Variants in PIGN observed in about 807,000 individuals in gnomAD.
PIGN encodes phosphatidylinositol glycan anchor biosynthesis class N.
PIGN carries 117 observed loss-of-function variants against 125.4 expected under a neutral mutation model. The observed-to-expected ratio is 0.93, with a 90% CI of 0.80 to 1.09. The LOEUF is 1.09. Ranked by LOEUF, PIGN falls within the 50% of genes least tolerant of loss-of-function variation. The probability of loss-of-function intolerance (pLI) is 0.00; values close to 1 mark genes in which losing one functional copy is unlikely to be tolerated. For synonymous variants in PIGN, 392 were observed against 377.8 expected (o/e 1.04, Z -0.44); for missense variants, 1,075 against 1,094.9 (o/e 0.98, Z 0.26).
intron 6 of PIGN, among the ~76,000 whole-genome samples, chr18:62,155,067 T>C (rs2036674812): frequency 6.6e-6 from 1 of 152,176 alleles, no homozygotes; most frequent in Non-Finnish European, 1.5e-5. Flanking sequence ...CAAACCTTCT[T>C]AACATAAGAA....
intron 25 of PIGN, among the ~76,000 whole-genome samples, chr18:62,087,244 T>A (rs568546178): frequency 1.2e-4 from 18 of 151,952 alleles, no homozygotes; most frequent in African/African-American, 3.9e-4. Flanking sequence ...AGAAGTGATA[T>A]AAAAATCTTA....
intron 14 of PIGN, among the ~76,000 whole-genome samples, chr18:62,124,057 T>C (rs2035411702): frequency 6.6e-6 from 1 of 152,120 alleles, no homozygotes; most frequent in Non-Finnish European, 1.5e-5. Context: ...CACAAAGGTG[T>C]TATGACACTA....
intron 15 of PIGN, 149 bp downstream of exon 15, chr18:62,114,412 G>T: frequency 1.8e-6 from 1 of 561,368 alleles, no homozygotes. Flanking sequence ...AGAGAGATCT[G>T]TCCACTGCTA....
intron 16 of PIGN, chr18:62,112,660 G>C (rs917283694): frequency 6.5e-6 from 1 of 153,636 alleles, no homozygotes; most frequent in Non-Finnish European, 1.4e-5. Context: ...ACTTCAAAAA[G>C]TTAAAAGAAG....
At chr18:62,129,215 C>T (rs2035643855) in intron 14 of PIGN, among the ~76,000 whole-genome samples, 1 of 152,080 alleles carries the variant, frequency 6.6e-6, no homozygotes, top group African/African-American at 2.4e-5. Flanking sequence ...GTATTTATAC[C>T]AATGAAATTG....
intron 23 of PIGN, among the ~76,000 whole-genome samples, chr18:62,018,747 TTA>T (rs1419261652): frequency 6.6e-6 from 1 of 152,140 alleles, no homozygotes; most frequent in African/African-American, 2.4e-5. Context: ...CGAGGTTCAA[TTA>T]CAGGTCTGAT....
intron 25 of PIGN, among the ~76,000 whole-genome samples, chr18:62,086,468 T>A (rs867359623): frequency 6.6e-6 from 1 of 151,912 alleles, no homozygotes. Context: ...AATACAAAAA[T>A]TAGCCGGTCC....
At chr18:62,129,205 G>GTATT (rs1555690157) in intron 14 of PIGN, among the ~76,000 whole-genome samples, 5 of 152,090 alleles carry the variant, frequency 3.3e-5, no homozygotes, top group Admixed American at 2.0e-4. Flanking sequence ...CATAGTGAGC[G>GTATT]TATTTATACC....
intron 14 of PIGN, among the ~76,000 whole-genome samples, chr18:62,126,228 A>T (rs1309692448): frequency 6.6e-6 from 1 of 152,122 alleles, no homozygotes; most frequent in African/African-American, 2.4e-5. Flanking sequence ...TTCTTTCAAC[A>T]TATATAACAT....
intron 14 of PIGN, among the ~76,000 whole-genome samples, chr18:62,131,994 T>C (rs1324764126): frequency 1.4e-5 from 2 of 143,582 alleles, no homozygotes; most frequent in Non-Finnish European, 3.1e-5. Context: ...AAGTGAACAA[T>C]ATATTTCTAA....
intron 7 of PIGN, among the ~76,000 whole-genome samples, chr18:62,148,723 A>T (rs76401907): frequency 0.011 from 1,599 of 152,208 alleles, 46 homozygotes; most frequent in East Asian, 0.066. Flanking sequence ...TTTTTTAAAT[A>T]TTTCAGAACT....
At chr18:62,113,775 GA>G (rs1397180543) in intron 15 of PIGN, among the ~76,000 whole-genome samples, 1 of 152,036 alleles carries the variant, frequency 6.6e-6, no homozygotes, top group East Asian at 1.9e-4. Context: ...AAAAGCATTA[GA>G]AATGCACGGA....
intron 14 of PIGN, among the ~76,000 whole-genome samples, chr18:62,127,927 T>G (rs149756369): frequency 7.2e-4 from 109 of 152,222 alleles, no homozygotes; most frequent in African/African-American, 2.5e-3. Flanking sequence ...GAAATGGCAA[T>G]TAAAAATACA....
chr18:62,040,842 C>T (rs1276425553), downstream of PIGN, among the ~76,000 whole-genome samples: 1 of 152,186 alleles, frequency 6.6e-6, no homozygotes, highest in African/African-American at 2.4e-5. Flanking sequence ...GTGTTGGTCC[C>T]TTCGTTAATC....
intron 4 of PIGN, among the ~76,000 whole-genome samples, chr18:62,158,674 A>G (rs1168408911): frequency 2.6e-5 from 4 of 152,222 alleles, no homozygotes; most frequent in African/African-American, 9.6e-5. Flanking sequence ...TCTGCCTCTC[A>G]ATACATTCTA....
At chr18:62,055,440 G>A (rs1226663220) in intron 30 of PIGN, among the ~76,000 whole-genome samples, 1 of 152,096 alleles carries the variant, frequency 6.6e-6, no homozygotes, top group African/African-American at 2.4e-5. Context: ...TATTTATGAA[G>A]TAACAACTAC....
chr18:62,121,194 G>C (rs1257409627), intron 14 of PIGN, among the ~76,000 whole-genome samples: 2 of 152,118 alleles, frequency 1.3e-5, no homozygotes, highest in African/African-American at 4.8e-5. Context: ...TAGAAAGCCA[G>C]GGATATTTCT....
chr18:62,143,371 A>G (rs1197660032), intron 10 of PIGN, 25 bp from the exon 11 acceptor site: 3 of 1,395,148 alleles, frequency 2.2e-6, no homozygotes, highest in South Asian at 1.2e-5. Context: ...CAGACACAAG[A>G]TCTGATGTTA....
chr18:62,106,136 CT>C (rs1257587059), intron 19 of PIGN, among the ~76,000 whole-genome samples: 1 of 152,124 alleles, frequency 6.6e-6, no homozygotes, highest in Non-Finnish European at 1.5e-5. Context: ...AGTAAAACTA[CT>C]TTTGTAATTA....
Sources: allele counts gnomAD v4.1 joint callset (sites outside exome capture counted in the v4.1 genomes callset), GRCh38; gene constraint gnomAD v4.1.1; transcripts MANE v1.5; gene names NCBI Gene and HGNC (gene_info 2026-07-23, HGNC 2026-07-21).